UNC80: variants seen among roughly 807,000 people sequenced by gnomAD.
UNC80 encodes the protein protein unc-80 homolog.
In UNC80, 164 loss-of-function variants were observed where a neutral mutation model predicts 384.6. That is an observed-to-expected ratio of 0.43 (90% confidence interval 0.38 to 0.49). The LOEUF (loss-of-function observed/expected upper bound fraction) is 0.49. Among genes scored for constraint, UNC80 ranks in the 20% least tolerant of loss-of-function variants. The pLI is 0.00. For synonymous variants in UNC80, 1,486 were observed against 1,527.8 expected (o/e 0.97, Z 0.64); for missense variants, 3,330 against 4,143.0 (o/e 0.80, Z 5.39).
At chr2:209,966,019 T>C (rs1452768750) in intron 51 of UNC80, among the ~76,000 whole-genome samples, 1 of 152,136 alleles carries the variant, frequency 6.6e-6, no homozygotes, top group Non-Finnish European at 1.5e-5. Context: ...TTTCCATGTA[T>C]GGCTGCCCCT....
In UNC80 at chr2:209,959,703, A is replaced by G. The variant is rs1225972802; in HGVS notation, c.7801A>G (p.Met2601Val). 4 of 1,551,194 alleles carry G rather than the reference A, an allele frequency of 2.6e-6. No homozygotes were observed. Among genetic ancestry groups the G allele is most frequent in the African/African-American group, 1.4e-5 (1 of 73,170 alleles). Reference sequence around the variant, plus strand: ...GGAACTGCTGGATGTGAAGTCTCACATGAGGTACTGGCCTCGCTTTCCCTG... The same window carrying G: ...GGAACTGCTGGATGTGAAGTCTCACGTGAGGTACTGGCCTCGCTTTCCCTG... ...ALELLDVKSHMRLAEIAHSLL... is the reference protein window; with the variant it reads ...ALELLDVKSHVRLAEIAHSLL... The change falls in exon 51 of 65, where the codon ATG becomes GTG. Residue 2601 changes from methionine to valine, a missense_variant. Physicochemically the swap from Met to Val is conservative, Grantham distance 21 (BLOSUM62 1). Around this residue, in one of 8 missense-constraint regions of UNC80, gnomAD observed 1,049 missense variants for 1,488.6 expected, o/e 0.70. Transcript: ENST00000673920.
chr2:209,995,659 T>C lies in UNC80; in HGVS notation c.*64T>C. On this transcript the variant is annotated 3_prime_UTR_variant, in exon 65 of 65. Transcript: ENST00000673920. ...TGAAAGTGATCTCTCTACTACAAGTTCAATACTTTTGCTTGAAAAAGATTA... is the reference window on the plus strand; with the variant it reads ...TGAAAGTGATCTCTCTACTACAAGTCCAATACTTTTGCTTGAAAAAGATTA... 1 of 1,493,738 alleles carries C rather than the reference T, an allele frequency of 6.7e-7. No homozygotes were observed. The allele number at this position is 1,493,738 out of a possible 1,614,324, so 92.5% of individuals were successfully genotyped here. A position where few individuals can be genotyped will look rare whatever the true frequency, so the allele number is the denominator to read the frequency against.
intron 5 of UNC80, among the ~76,000 whole-genome samples, chr2:209,788,421 A>C (rs2077587220): frequency 6.6e-6 from 1 of 151,182 alleles, no homozygotes; most frequent in African/African-American, 2.4e-5. Flanking sequence ...CCATCTCAAA[A>C]AAAAAAAAAG....
chr2:209,941,320 G>A lies in UNC80; in HGVS notation c.6746G>A (p.Gly2249Glu), dbSNP rs1158485528. 1.3e-6 allele frequency: 2 copies of A among 1,550,696 alleles called. No individual in the cohort carries two copies. The highest frequency in any genetic ancestry group is 1.4e-5 in the African/African-American group (1 of 73,028). The change falls in exon 44 of 65, where the codon GGA (glycine) becomes GAA (glutamate). Residue 2249 changes from glycine to glutamate, a missense_variant. Gly to Glu is a moderately conservative substitution (Grantham distance 98, BLOSUM62 -2). Transcript: ENST00000673920. The stretch of plus-strand genomic sequence containing the variant: ...GGCATGCCGAGCGAGTTTCCATGGG[G>A]AGACGAAATCATGCTTTTCCTCAAC... Reference protein sequence around the residue: ...FLGMPSEFPWGDEIMLFLNVF... With the variant: ...FLGMPSEFPWEDEIMLFLNVF...
Position 209,793,757 on chromosome 2 carries a change from C to A in UNC80, c.836C>A (p.Ser279Tyr), listed in dbSNP as rs1225594380. 2 of 1,614,058 alleles carry A rather than the reference C, an allele frequency of 1.2e-6. No individual in the cohort carries two copies. Among genetic ancestry groups the A allele is most frequent in the Non-Finnish European group, 1.7e-6 (2 of 1,179,988 alleles). The part of the protein sequence containing the change: ...QVVCETFQSD[S>Y]ISPKATISGC... ...GTTTGTGAAACATTCCAGTCTGATT[C>A]CATCTCACCCAAGGCCACCATTTCA... The change falls in exon 7 of 65, where the codon TCC becomes TAC. Residue 279 changes from serine to tyrosine, a missense_variant. Physicochemically the swap from Ser to Tyr is moderately radical, Grantham distance 144 (BLOSUM62 -2). Transcript: ENST00000673920.
At chr2:209,825,676 C>T (rs920461228) in intron 13 of UNC80, among the ~76,000 whole-genome samples, 1 of 152,160 alleles carries the variant, frequency 6.6e-6, no homozygotes, top group African/African-American at 2.4e-5. Flanking sequence ...TACTTATATT[C>T]TCTAGCAACA....
At chr2:209,837,929 A>T (rs918529886) in intron 18 of UNC80, among the ~76,000 whole-genome samples, 9 of 151,764 alleles carry the variant, frequency 5.9e-5, no homozygotes, top group South Asian at 2.1e-4. Context: ...CCGCCACCGC[A>T]CCCTGCTAAT....
chr2:209,932,612 T>A (rs1018411853), intron 38 of UNC80, among the ~76,000 whole-genome samples: 3 of 152,232 alleles, frequency 2.0e-5, no homozygotes, highest in Non-Finnish European at 2.9e-5. Context: ...GGGAGCTTGA[T>A]GCCCAGATAG....
intron 47 of UNC80, among the ~76,000 whole-genome samples, chr2:209,946,441 T>C (rs1260993824): frequency 6.6e-6 from 1 of 151,842 alleles, no homozygotes; most frequent in Non-Finnish European, 1.5e-5. Flanking sequence ...TAGCATAGGT[T>C]CTGGAAAACA....
At chr2:209,818,088 T>G in intron 11 of UNC80, 136 bp downstream of exon 11, 10 of 1,097,356 alleles carry the variant, frequency 9.1e-6, no homozygotes, top group Non-Finnish European at 1.3e-5. Context: ...TGAATTGCTT[T>G]TGTTAGCCAT....
Position 209,894,277 on chromosome 2 carries a change from T to C in UNC80, c.4391T>C (p.Leu1464Ser), listed in dbSNP as rs2086612618. 1.0e-6 allele frequency: 1 copy of C among 985,100 alleles called. No individual in the cohort carries two copies. The highest frequency in any genetic ancestry group is 1.7e-5 in the African/African-American group (1 of 57,144). The allele number at this position is 985,100 out of a possible 1,614,324, so 61.0% of individuals were successfully genotyped here. The change falls in exon 27 of 65, where the codon TTA (leucine) becomes TCA (serine). Residue 1464 changes from leucine to serine, a missense_variant. Transcript: ENST00000673920. The stretch of plus-strand genomic sequence containing the variant: ...TCCAGCATTCGCCGGGTCGGCAGCT[T>C]AAAGAGCAGCAAGTTATCACGGCAG... ...SLSSIRRVGS[L>S]KSSKLSRQDS... is the part of the protein sequence containing the mutation.
At chr2:209,820,842 A>G (rs2080083136) in intron 13 of UNC80, among the ~76,000 whole-genome samples, 163 bp downstream of exon 13, 1 of 152,228 alleles carries the variant, frequency 6.6e-6, no homozygotes, top group South Asian at 2.1e-4. Flanking sequence ...AGGCATTAGC[A>G]GAAACAGTTG....
At chr2:209,950,813 C>T (rs185044530) in intron 47 of UNC80, among the ~76,000 whole-genome samples, 3 of 152,192 alleles carry the variant, frequency 2.0e-5, no homozygotes, top group Admixed American at 1.3e-4. Flanking sequence ...CCGTCTCAGC[C>T]TCCCAAAGTG....
chr2:209,838,528 T>A (rs1379633673), intron 18 of UNC80, among the ~76,000 whole-genome samples: 2 of 152,192 alleles, frequency 1.3e-5, no homozygotes, highest in African/African-American at 4.8e-5. Context: ...GATAATGCAT[T>A]TCCCGGGTGT....
intron 35 of UNC80, 117 bp downstream of exon 35, chr2:209,922,500 C>A: frequency 8.1e-7 from 1 of 1,227,262 alleles, no homozygotes; most frequent in Non-Finnish European, 1.1e-6. Context: ...TGTCTCATGA[C>A]TTGACATTCT....
intron 25 of UNC80, among the ~76,000 whole-genome samples, chr2:209,887,700 T>TA (rs1029859933): frequency 1.3e-5 from 2 of 152,078 alleles, no homozygotes; most frequent in African/African-American, 4.8e-5. Context: ...CTTTAGAGAT[T>TA]AAAAAAAGTT....
At chr2:209,962,720 T>C (rs2092631440) in intron 51 of UNC80, among the ~76,000 whole-genome samples, 1 of 152,206 alleles carries the variant, frequency 6.6e-6, no homozygotes, top group Admixed American at 6.5e-5. Flanking sequence ...AGGCCTGCCA[T>C]AGTCTCTGAC....
intron 31 of UNC80, among the ~76,000 whole-genome samples, chr2:209,915,449 G>GCA (rs1336203909): frequency 1.3e-5 from 2 of 151,026 alleles, no homozygotes; most frequent in African/African-American, 4.9e-5. Context: ...ATGTGGACGT[G>GCA]CACTGGGCTT....
chr2:209,881,301 C>A (rs1185346539), intron 25 of UNC80, among the ~76,000 whole-genome samples: 1 of 152,134 alleles, frequency 6.6e-6, no homozygotes, highest in Non-Finnish European at 1.5e-5. Context: ...ATCTAGAAAT[C>A]AGTGAAGGTT....
Sources: allele counts gnomAD v4.1 joint callset (sites outside exome capture counted in the v4.1 genomes callset), GRCh38; gene constraint gnomAD v4.1.1; regional missense constraint gnomAD v4.1.1; transcripts MANE v1.5; gene names NCBI Gene and HGNC (gene_info 2026-07-23, HGNC 2026-07-21).